HERC2: variants seen among roughly 807,000 people sequenced by gnomAD.
HERC2 encodes the protein HECT and RLD domain containing E3 ubiquitin protein ligase 2, also known as E3 ubiquitin-protein ligase HERC2.
A neutral mutation model predicts 537.7 loss-of-function variants in HERC2; 102 were observed. The ratio of observed to expected loss-of-function variants is 0.19; its 90% CI spans 0.16 to 0.22. The LOEUF (loss-of-function observed/expected upper bound fraction) is 0.22, where lower values mean the gene tolerates loss of function less well. Among genes scored for constraint, HERC2 ranks in the 10% least tolerant of loss-of-function variants. The pLI is 1.00. For missense variants in HERC2, 4,236 were observed against 6,198.2 expected, an observed-to-expected ratio of 0.68 and a Z score of 10.63; for synonymous variants, 2,224 against 2,466.2, an observed-to-expected ratio of 0.90 and a Z score of 2.91.
intron 2 of HERC2, 82 bp from the exon 3 acceptor site, chr15:28,299,598 T>A: frequency 1.4e-6 from 1 of 732,710 alleles, no homozygotes; most frequent in Admixed American, 2.1e-5. Context: ...GAAAAAAATC[T>A]CAATCCCCCT....
chr15:28,299,381 A>G (rs747652007), intron 3 of HERC2, 21 bp downstream of exon 3: 1 of 1,016,478 alleles, frequency 9.8e-7, no homozygotes, highest in Admixed American at 2.0e-5. Flanking sequence ...CAAATAAAAA[A>G]CACTAGTTAA....
chr15:28,143,078 A>T (rs74698548), intron 74 of HERC2, 126 bp from the exon 75 acceptor site: 1 of 849,900 alleles, frequency 1.2e-6, no homozygotes, highest in Non-Finnish European at 1.7e-6. Context: ...AAAAAAAAAA[A>T]GCTTATCAAA....
intron 21 of HERC2, among the ~76,000 whole-genome samples, chr15:28,247,635 G>A (rs1334699267): frequency 1.3e-5 from 2 of 151,860 alleles, no homozygotes; most frequent in African/African-American, 2.4e-5. Context: ...TCACTATGTT[G>A]GTCAGGCTGG....
intron 2 of HERC2, among the ~76,000 whole-genome samples, chr15:28,301,241 C>CCCAT (rs1404145052): frequency 6.6e-6 from 1 of 152,000 alleles, no homozygotes; most frequent in African/African-American, 2.4e-5. Flanking sequence ...ATGCCGAAAC[C>CCCAT]CCATCTCTTC....
chr15:28,156,483 T>G (rs1893023009), intron 69 of HERC2, among the ~76,000 whole-genome samples: 1 of 152,184 alleles, frequency 6.6e-6, no homozygotes, highest in East Asian at 1.9e-4. Context: ...CCCTTGTAAG[T>G]TGGATTCCTA....
chr15:28,157,770 T>G (rs564560757), intron 69 of HERC2, among the ~76,000 whole-genome samples: 2 of 152,224 alleles, frequency 1.3e-5, no homozygotes, highest in Non-Finnish European at 2.9e-5. Context: ...AGTTATTTTT[T>G]GCCTTCTGCT....
chr15:28,292,778 A>G, intron 4 of HERC2, 110 bp downstream of exon 4: 1 of 1,132,670 alleles, frequency 8.8e-7, no homozygotes. Flanking sequence ...TAAATTTTTT[A>G]TTTACTTTTT....
chr15:28,314,716 C>A lies in HERC2; in HGVS notation c.72+6646G>T, dbSNP rs927183254. ...CTAAAAATACAAAAAAAAAAATTAG[C>A]CAGGAATGATGGTACACGCCTGTAA... is the stretch of plus-strand genomic sequence containing the variant. On this transcript the variant is annotated intron_variant, in intron 2 of 92. Transcript: ENST00000261609. 2.6e-5 allele frequency among the ~76,000 whole-genome samples: 4 copies of A among 151,566 alleles called. No individual in the cohort carries two copies. The East Asian group carries it at 7.8e-4, about 30-fold the overall frequency.
chr15:28,146,112 T>C (rs1891704053), intron 71 of HERC2, 125 bp downstream of exon 71: 2 of 677,306 alleles, frequency 3.0e-6, no homozygotes, highest in African/African-American at 1.8e-5. Context: ...CTGAATAGCA[T>C]ATTGTCCCTT....
intron 88 of HERC2, among the ~76,000 whole-genome samples, chr15:28,116,212 TTTTC>T (rs1888226686): frequency 1.8e-5 from 2 of 111,706 alleles, no homozygotes; most frequent in African/African-American, 2.8e-5. Context: ...ATTAAAAGTC[TTTTC>T]TTTTTCTTTT....
chr15:28,152,070 G>A (rs1892511008), intron 70 of HERC2, among the ~76,000 whole-genome samples: 1 of 152,178 alleles, frequency 6.6e-6, no homozygotes, highest in Non-Finnish European at 1.5e-5. Flanking sequence ...GGAGGTGCCT[G>A]CTGAGGCTGA....
chr15:28,254,705 T>A (rs2075199361), intron 19 of HERC2, among the ~76,000 whole-genome samples, 187 bp from the exon 20 acceptor site: 1 of 152,216 alleles, frequency 6.6e-6, no homozygotes, highest in South Asian at 2.1e-4. Flanking sequence ...TCAAACAGTG[T>A]CTTCTTTTTA....
Position 28,238,870 on chromosome 15 carries a change from C to T in HERC2, c.3578-98G>A, listed in dbSNP as rs556110554. ...AGAACTACAAGCAGAAATAAACAAACCCACAATCACAATGGGAGAAATACA... is the reference window on the plus strand; with the variant it reads ...AGAACTACAAGCAGAAATAAACAAATCCACAATCACAATGGGAGAAATACA... On this transcript the variant is annotated intron_variant, in intron 23 of 92. Coordinates refer to ENST00000261609, the MANE Select transcript of HERC2 (RefSeq NM_004667.6). 1.5e-3 allele frequency: 1,351 copies of T among 873,904 alleles called. 5 individuals carry two copies. The highest frequency in any genetic ancestry group is 9.2e-4 in the Non-Finnish European group (473 of 513,024). 54.1% of individuals were successfully genotyped at this position (873,904 alleles called of 1,614,324 possible).
intron 2 of HERC2, among the ~76,000 whole-genome samples, chr15:28,317,382 C>A (rs1281090115): frequency 6.6e-6 from 1 of 152,212 alleles, no homozygotes; most frequent in Admixed American, 6.5e-5. Flanking sequence ...AGCCACCGCG[C>A]CCAGCCGAAG....
chr15:28,301,735 G>GTATATATATA (rs55977156), intron 2 of HERC2, among the ~76,000 whole-genome samples: 8 of 35,370 alleles, frequency 2.3e-4, no homozygotes, highest in Admixed American at 9.5e-4. Flanking sequence ...GTATGTATGT[G>GTATATATATA]TATATATATA....
At chr15:28,272,480 GAACA>G in intron 8 of HERC2, 94 bp from the exon 9 acceptor site, 1 of 1,137,014 alleles carries the variant, frequency 8.8e-7, no homozygotes. Context: ...GGATAGAAGT[GAACA>G]AATACTTGGG....
Position 28,202,444 on chromosome 15 carries a change from G to C in HERC2, c.7383C>G (p.Ile2461Met), listed in dbSNP as rs573275628. ...ATCCCATCTCCATGAGCTGCACCACGATCGGCAGAGCGGGAACGGGCGACT... is the reference window on the plus strand; with the variant it reads ...ATCCCATCTCCATGAGCTGCACCACCATCGGCAGAGCGGGAACGGGCGACT... ...RKQSPVPALP[I>M]VVQLMEMGFS... Residue 2461 changes from isoleucine (I) to methionine (M), a missense_variant, in exon 46 of 93, where the codon ATC (isoleucine) becomes ATG (methionine). Ile to Met is a conservative substitution (Grantham distance 10, BLOSUM62 1). This residue lies in a region of HERC2 where 35 missense variants were observed against 68.7 expected (regional missense o/e 0.51). Transcript: ENST00000261609. 2 of 1,540,468 alleles carry C rather than the reference G, an allele frequency of 1.3e-6. No individual in the cohort carries two copies. The highest frequency in any genetic ancestry group is 1.8e-6 in the Non-Finnish European group (2 of 1,118,302).
At chr15:28,127,665 T>C (rs1315464809) in intron 83 of HERC2, among the ~76,000 whole-genome samples, 16 of 152,058 alleles carry the variant, frequency 1.1e-4, no homozygotes, top group Admixed American at 1.0e-3. Context: ...CTTGGAGAAA[T>C]GGCCAGGTCG....
At position 28,254,477 on chromosome 15, in the gene HERC2, A is replaced by T; in HGVS notation, c.2913T>A (p.Ile971=). Residue 971 remains isoleucine (I), a synonymous_variant, in exon 20 of 93, where the codon ATT becomes ATA. Coordinates refer to ENST00000261609, the MANE Select transcript of HERC2 (RefSeq NM_004667.6). ...TTGAGGCATTCGCTTCCTGTTCATC[A>T]ATTTCTTTTTCCTTCTGTGCTTCTT... The part of the protein sequence containing the change: ...AKKEAQKEKE[I]DEQEANASTF... The T allele has an allele frequency of 2.5e-6, 4 of 1,601,312 alleles. No homozygotes were observed. The highest frequency in any genetic ancestry group is 3.4e-6 in the Non-Finnish European group (4 of 1,176,304).
Sources: gnomAD v4.1 joint callset for allele counts (sites outside exome capture counted in the v4.1 genomes callset) on GRCh38, gnomAD v4.1.1 for gene constraint, gnomAD v4.1.1 regional missense constraint, MANE v1.5 for transcripts, NCBI Gene and HGNC (gene_info 2026-07-23, HGNC 2026-07-21) for gene names.